DNER: variants seen among roughly 807,000 people sequenced by gnomAD.
DNER encodes the protein delta/notch like EGF repeat containing.
A neutral mutation model predicts 78.2 loss-of-function variants in DNER; 33 were observed. That is an observed-to-expected ratio of 0.42 (90% CI 0.32 to 0.56). DNER has a LOEUF of 0.56. Ranked by LOEUF, DNER falls within the 20% of genes least tolerant of loss-of-function variation. The pLI is 0.11. For missense variants in DNER, 918 were observed against 975.3 expected, an observed-to-expected ratio of 0.94 and a Z score of 0.78; for synonymous variants, 417 against 384.8, an observed-to-expected ratio of 1.08 and a Z score of -0.98.
At chr2:229,418,344 G>T in intron 8 of DNER, 114 bp from the exon 9 acceptor site, 1 of 1,413,634 alleles carries the variant, frequency 7.1e-7, no homozygotes, top group Non-Finnish European at 9.5e-7. Flanking sequence ...GGTATAAACA[G>T]ATGGGATTTC....
chr2:229,550,150 A>ATG lies in DNER; in HGVS notation c.848-3059_848-3058insCA, dbSNP rs1474750546. On this transcript the variant is annotated intron_variant, in intron 4 of 12. Coordinates refer to ENST00000341772, the MANE Select transcript of DNER (RefSeq NM_139072.4). Reference sequence around the variant, plus strand: ...TGGGATTACATATACGCGCCACCACACCCAGCTAATTTTTGTGGTTTTAGT... The same window carrying ATG: ...TGGGATTACATATACGCGCCACCACATGCCCAGCTAATTTTTGTGGTTTTAGT... Among the ~76,000 whole-genome samples, 351 of 150,990 alleles carry ATG rather than the reference A, an allele frequency of 2.3e-3. 1 individual carries two copies. The highest frequency in any genetic ancestry group is 8.2e-3 in the African/African-American group (335 of 41,052).
At chr2:229,391,834 T>C (rs1693022658) in intron 10 of DNER, among the ~76,000 whole-genome samples, 3 of 152,258 alleles carry the variant, frequency 2.0e-5, no homozygotes, top group South Asian at 2.1e-4. Flanking sequence ...TGAGCCACCA[T>C]GCCCAGCCAA....
At chr2:229,519,506 C>T (rs1399904143) in intron 5 of DNER, among the ~76,000 whole-genome samples, 1 of 152,060 alleles carries the variant, frequency 6.6e-6, no homozygotes. Flanking sequence ...ATTGCATTAA[C>T]CTTCACCATG....
chr2:229,502,526 C>T (rs1196286113), intron 6 of DNER, among the ~76,000 whole-genome samples: 1 of 152,154 alleles, frequency 6.6e-6, no homozygotes, highest in African/African-American at 2.4e-5. Context: ...GGGACTGATG[C>T]TGGCAGCCCG....
intron 1 of DNER, among the ~76,000 whole-genome samples, chr2:229,686,027 G>A (rs1574564826): frequency 6.6e-6 from 1 of 152,176 alleles, no homozygotes; most frequent in African/African-American, 2.4e-5. Context: ...AGGCAGAAAA[G>A]AGCCCATATG....
At chr2:229,663,004 G>A (rs916455917) in intron 1 of DNER, among the ~76,000 whole-genome samples, 6 of 152,092 alleles carry the variant, frequency 3.9e-5, no homozygotes, top group African/African-American at 1.4e-4. Flanking sequence ...TCTAAGATTG[G>A]GTGCTCCTCG....
intron 8 of DNER, among the ~76,000 whole-genome samples, chr2:229,440,011 C>T (rs941014996): frequency 1.3e-5 from 2 of 152,094 alleles, no homozygotes; most frequent in African/African-American, 4.8e-5. Context: ...AGCAGAAATC[C>T]CTTACAATTA....
intron 1 of DNER, among the ~76,000 whole-genome samples, chr2:229,678,738 A>G (rs564465305): frequency 6.6e-6 from 1 of 152,242 alleles, no homozygotes; most frequent in East Asian, 1.9e-4. Flanking sequence ...AGAAAAGTAC[A>G]TCAACTCATT....
At chr2:229,491,283 C>A (rs1056003833) in intron 6 of DNER, among the ~76,000 whole-genome samples, 9 of 152,316 alleles carry the variant, frequency 5.9e-5, no homozygotes, top group African/African-American at 2.2e-4. Flanking sequence ...CATGCAGATT[C>A]AGTGTTTGGT....
intron 7 of DNER, among the ~76,000 whole-genome samples, chr2:229,468,388 C>A: frequency 6.6e-6 from 1 of 152,258 alleles, no homozygotes; most frequent in African/African-American, 2.4e-5. Context: ...TTGGGGATAA[C>A]ATCACTATTG....
chr2:229,538,640 T>C (rs1406163500), intron 5 of DNER, among the ~76,000 whole-genome samples: 4 of 152,292 alleles, frequency 2.6e-5, no homozygotes, highest in Admixed American at 6.5e-5. Context: ...TTTAAGTATA[T>C]ACTGTGGAAT....
chr2:229,551,667 C>T (rs536439550), intron 4 of DNER, among the ~76,000 whole-genome samples: 3 of 151,716 alleles, frequency 2.0e-5, no homozygotes, highest in African/African-American at 7.3e-5. Context: ...GGCGCAGTGG[C>T]TCATGCCTGT....
intron 1 of DNER, among the ~76,000 whole-genome samples, chr2:229,646,758 C>T (rs1258118048): frequency 6.6e-6 from 1 of 152,260 alleles, no homozygotes; most frequent in Non-Finnish European, 1.5e-5. Context: ...TCCTCAGGGT[C>T]CACGGTGAAC....
At chr2:229,573,183 C>A (rs984644080) in intron 4 of DNER, among the ~76,000 whole-genome samples, 1 of 152,226 alleles carries the variant, frequency 6.6e-6, no homozygotes, top group East Asian at 1.9e-4. Context: ...GTCTACCAAG[C>A]AAATATAACT....
intron 1 of DNER, among the ~76,000 whole-genome samples, chr2:229,693,854 C>A (rs940502249): frequency 6.6e-6 from 1 of 152,222 alleles, no homozygotes; most frequent in South Asian, 2.1e-4. Context: ...TTCAAGCCTG[C>A]TGCAGAAATT....
At chr2:229,575,017 C>T (rs1559171415) in intron 4 of DNER, among the ~76,000 whole-genome samples, 1 of 152,044 alleles carries the variant, frequency 6.6e-6, no homozygotes, top group South Asian at 2.1e-4. Context: ...ATTCCACAGA[C>T]AAGATTTCGG....
chr2:229,695,505 T>C (rs1699649174), intron 1 of DNER, among the ~76,000 whole-genome samples: 1 of 152,136 alleles, frequency 6.6e-6, no homozygotes, highest in Non-Finnish European at 1.5e-5. Context: ...GAGACAGCCC[T>C]GGGTGGAGAG....
intron 1 of DNER, among the ~76,000 whole-genome samples, chr2:229,596,666 G>C (rs541158932): frequency 1.3e-5 from 2 of 152,306 alleles, no homozygotes; most frequent in East Asian, 1.9e-4. Context: ...AGTCCCACCA[G>C]GTAAGGGGAT....
intron 1 of DNER, among the ~76,000 whole-genome samples, chr2:229,620,318 C>T (rs1353065827): frequency 2.0e-5 from 3 of 152,194 alleles, no homozygotes; most frequent in African/African-American, 7.2e-5. Flanking sequence ...TCAAAATTAC[C>T]ATTTAATCTT....
Sources: allele counts gnomAD v4.1 joint callset (sites outside exome capture counted in the v4.1 genomes callset), GRCh38; gene constraint gnomAD v4.1.1; transcripts MANE v1.5; gene names NCBI Gene and HGNC (gene_info 2026-07-23, HGNC 2026-07-21).